The following KLF8 variants were observed in gnomAD, a reference collection of about 807,000 sequenced individuals.
The protein encoded by KLF8 is Krueppel-like factor 8.
KLF8 carries 10 observed loss-of-function variants against 18.2 expected under a neutral mutation model. The ratio of observed to expected loss-of-function variants is 0.55; its 90% CI spans 0.34 to 0.93. The LOEUF (loss-of-function observed/expected upper bound fraction) is 0.93. Among genes scored for constraint, KLF8 ranks in the 40% least tolerant of loss-of-function variants. The pLI is 0.02. For missense variants in KLF8, 264 were observed against 277.9 expected (o/e 0.95, Z 0.36); for synonymous variants, 109 against 97.3 (o/e 1.12, Z -0.71).
At chrX:56,102,029 C>T in the KLF8 span, among the ~76,000 whole-genome samples, 1 of 111,407 alleles carries the variant, frequency 9.0e-6, no homozygotes, top group Non-Finnish European at 1.9e-5. Flanking sequence ...TTTCCTGAGA[C>T]TGGTATAAAG....
the KLF8 span, among the ~76,000 whole-genome samples, chrX:55,954,042 G>T: frequency 9.1e-6 from 1 of 109,610 alleles, no homozygotes; most frequent in Non-Finnish European, 1.9e-5. Context: ...AAACGTATTT[G>T]CAAATCATAC....
chrX:56,185,015 C>G, the KLF8 span, among the ~76,000 whole-genome samples: 1 of 112,802 alleles, frequency 8.9e-6, no homozygotes, highest in Non-Finnish European at 1.9e-5. Flanking sequence ...TGGAAAAAAG[C>G]TGGACGGAGA....
chrX:56,121,401 G>A, the KLF8 span, among the ~76,000 whole-genome samples: 1 of 109,869 alleles, frequency 9.1e-6, no homozygotes, highest in South Asian at 4.0e-4. Flanking sequence ...AGAGGAAAGA[G>A]AACGTTTCTG....
At chrX:56,273,662 T>A (rs936045885) in intron 5 of KLF8, among the ~76,000 whole-genome samples, 11 of 111,906 alleles carry the variant, frequency 9.8e-5, no homozygotes, top group Non-Finnish European at 9.4e-5. Flanking sequence ...AATGATAGGA[T>A]CTCATTCTCC....
At chrX:56,210,819 A>C in the KLF8 span, among the ~76,000 whole-genome samples, 56,387 of 107,242 alleles carry the variant, frequency 0.53, 13,771 homozygotes, top group Non-Finnish European at 0.74. Flanking sequence ...TTTTGCAATT[A>C]AAAGACTCTG....
intron 4 of KLF8, 127 bp downstream of exon 4, chrX:56,269,616 T>A (rs1279097365): frequency 9.9e-7 from 1 of 1,005,459 alleles, no homozygotes; most frequent in Non-Finnish European, 1.3e-6. Context: ...GGACAAGAAA[T>A]ATAGGGAGAC....
At chrX:55,937,080 A>T in the KLF8 span, among the ~76,000 whole-genome samples, 1 of 111,587 alleles carries the variant, frequency 9.0e-6, no homozygotes, top group Admixed American at 9.5e-5. Flanking sequence ...TGCCTCCTCA[A>T]GTGGGTCCCT....
chrX:56,118,136 G>A, the KLF8 span, among the ~76,000 whole-genome samples: 1 of 111,734 alleles, frequency 8.9e-6, no homozygotes, highest in Non-Finnish European at 1.9e-5. Flanking sequence ...ATGAGGGCAG[G>A]AAGGGGGGAC....
the KLF8 span, among the ~76,000 whole-genome samples, chrX:55,988,532 G>A: frequency 9.9e-5 from 11 of 111,302 alleles, no homozygotes; most frequent in African/African-American, 3.6e-4. Flanking sequence ...CATTATTTCT[G>A]AGGGCTCTGT....
At chrX:56,215,787 C>A in the KLF8 span, among the ~76,000 whole-genome samples, 1 of 80,724 alleles carries the variant, frequency 1.2e-5, no homozygotes. Context: ...CATGCCACTG[C>A]ACTCCAGCCT....
At chrX:55,953,918 ACAAT>A in the KLF8 span, among the ~76,000 whole-genome samples, 1 of 109,757 alleles carries the variant, frequency 9.1e-6, no homozygotes, top group African/African-American at 3.3e-5. Flanking sequence ...GTACAAACAA[ACAAT>A]CAAATTATAT....
At chrX:56,187,968 C>G in the KLF8 span, among the ~76,000 whole-genome samples, 1 of 111,818 alleles carries the variant, frequency 8.9e-6, no homozygotes, top group African/African-American at 3.3e-5. Context: ...GGGCACAAGA[C>G]AGTGATGCCC....
chrX:56,006,218 G>T, the KLF8 span, among the ~76,000 whole-genome samples: 1 of 112,149 alleles, frequency 8.9e-6, no homozygotes, highest in African/African-American at 3.2e-5. Context: ...TGTCTAAGTC[G>T]CTGTGCTGCC....
chrX:55,933,950 G>A, the KLF8 span, among the ~76,000 whole-genome samples: 1 of 112,000 alleles, frequency 8.9e-6, no homozygotes, highest in African/African-American at 3.2e-5. Context: ...AGCATGGATA[G>A]GTCATAGCTT....
the KLF8 span, among the ~76,000 whole-genome samples, chrX:55,925,697 G>C: frequency 5.4e-5 from 6 of 111,628 alleles, no homozygotes; most frequent in East Asian, 1.7e-3. Context: ...GGTTGGAAAA[G>C]ACCTCAAGGA....
chrX:56,199,208 G>A, the KLF8 span, among the ~76,000 whole-genome samples: 2 of 111,895 alleles, frequency 1.8e-5, no homozygotes, highest in Non-Finnish European at 3.8e-5. Context: ...AACACCAAAA[G>A]AAATGGCAAC....
chrX:56,154,258 A>G, the KLF8 span, among the ~76,000 whole-genome samples: 4 of 109,692 alleles, frequency 3.6e-5, no homozygotes, highest in East Asian at 1.1e-3. Flanking sequence ...AAACAGAGAT[A>G]TAGACCAATG....
At chrX:56,008,993 C>A in the KLF8 span, among the ~76,000 whole-genome samples, 2 of 111,641 alleles carry the variant, frequency 1.8e-5, no homozygotes, top group East Asian at 5.7e-4. Flanking sequence ...ATGGATTAGT[C>A]GACTGAGTCT....
At chrX:55,950,477 A>C in the KLF8 span, among the ~76,000 whole-genome samples, 1 of 111,897 alleles carries the variant, frequency 8.9e-6, no homozygotes, top group African/African-American at 3.3e-5. Flanking sequence ...CAAGTTGCTC[A>C]ACATTTCAGA....
Sources: gnomAD v4.1 joint callset for allele counts (sites outside exome capture counted in the v4.1 genomes callset) on GRCh38, gnomAD v4.1.1 for gene constraint, MANE v1.5 for transcripts, NCBI Gene and HGNC (gene_info 2026-07-23, HGNC 2026-07-21) for gene names.